GLDN: variants seen among roughly 807,000 people sequenced by gnomAD.
GLDN encodes the protein gliomedin.
GLDN carries 47 observed loss-of-function variants against 56.5 expected under a neutral mutation model. That is an observed-to-expected ratio of 0.83 (90% CI 0.66 to 1.06). The LOEUF (loss-of-function observed/expected upper bound fraction) is 1.06. GLDN is among the 50% of genes least tolerant of loss of function. GLDN has a pLI of 0.00. For synonymous variants in GLDN, 332 were observed against 278.8 expected (o/e 1.19, Z -1.90); for missense variants, 782 against 714.3 (o/e 1.09, Z -1.08).
In GLDN at chr15:51,359,052, C is replaced by T. The variant is rs145286017; in HGVS notation, c.363+17005C>T. ...CAGGTCTCCCCATGGCTCCCCCTCC[C>T]ACTAGTAAGGACTCTCCTTTGGCCC... On this transcript the variant is annotated intron_variant, in intron 1 of 9. Coordinates refer to ENST00000335449, the MANE Select transcript of GLDN (RefSeq NM_181789.4). 8.4e-3 allele frequency among the ~76,000 whole-genome samples: 1,276 copies of T among 152,270 alleles called. 20 individuals carry two copies. Among genetic ancestry groups the T allele is most frequent in the African/African-American group, 0.029 (1,203 of 41,536 alleles).
intron 2 of GLDN, among the ~76,000 whole-genome samples, chr15:51,381,071 T>C (rs1259789271): frequency 6.6e-6 from 1 of 152,232 alleles, no homozygotes; most frequent in Non-Finnish European, 1.5e-5. Flanking sequence ...TGTGGATTCA[T>C]ATGAGAGGAA....
At chr15:51,363,635 G>A (rs756592340) in intron 1 of GLDN, among the ~76,000 whole-genome samples, 3 of 152,146 alleles carry the variant, frequency 2.0e-5, no homozygotes, top group African/African-American at 7.2e-5. Flanking sequence ...AAACACTTAC[G>A]ACACAAGCAA....
At chr15:51,353,989 A>G (rs1454573101) in intron 1 of GLDN, among the ~76,000 whole-genome samples, 2 of 152,274 alleles carry the variant, frequency 1.3e-5, no homozygotes. Context: ...TAGATCTTTA[A>G]CAGCTCTATA....
chr15:51,357,646 A>C (rs1332223682), intron 1 of GLDN, among the ~76,000 whole-genome samples: 2 of 152,150 alleles, frequency 1.3e-5, no homozygotes, highest in African/African-American at 4.8e-5. Context: ...CCAAGGGCTG[A>C]CTAGAGGCGG....
At chr15:51,352,081 A>G (rs1232357693) in intron 1 of GLDN, among the ~76,000 whole-genome samples, 3 of 152,152 alleles carry the variant, frequency 2.0e-5, no homozygotes, top group Non-Finnish European at 4.4e-5. Flanking sequence ...GGTAGCTTAT[A>G]AATGACTGAA....
intron 2 of GLDN, 138 bp from the exon 3 acceptor site, chr15:51,383,298 A>G: frequency 1.1e-6 from 1 of 923,702 alleles, no homozygotes; most frequent in Non-Finnish European, 1.7e-6. Context: ...TTTTGGCCAA[A>G]TATAACGAGT....
Position 51,404,642 on chromosome 15 carries a change from C to T in GLDN, c.1544C>T (p.Ser515Phe). ...AACTTTGATTTAAGAACTTCCCAGTCTGTTCTTGCCATGTTAGCATACAAC... is the reference window on the plus strand; with the variant it reads ...AACTTTGATTTAAGAACTTCCCAGTTTGTTCTTGCCATGTTAGCATACAAC... ...NANFDLRTSQ[S>F]VLAMLAYNMR... Residue 515 changes from serine to phenylalanine, a missense_variant, in exon 10 of 10, where the codon TCT (serine) becomes TTT (phenylalanine). Physicochemically the swap from Ser to Phe is radical, Grantham distance 155. Transcript: ENST00000335449. The T allele has an allele frequency of 6.2e-7, 1 of 1,612,420 alleles. No individual in the cohort carries two copies. The highest frequency in any genetic ancestry group is 8.5e-7 in the Non-Finnish European group (1 of 1,178,466).
At chr15:51,370,323 C>A (rs990015373) in intron 1 of GLDN, among the ~76,000 whole-genome samples, 2 of 152,294 alleles carry the variant, frequency 1.3e-5, no homozygotes, top group Non-Finnish European at 2.9e-5. Flanking sequence ...TCATGTCCAA[C>A]CCTCTCATTT....
intron 2 of GLDN, among the ~76,000 whole-genome samples, chr15:51,382,735 A>AG (rs1165023668): frequency 1.3e-4 from 20 of 150,626 alleles, no homozygotes; most frequent in African/African-American, 3.7e-4. Context: ...CCAAAAAAAA[A>AG]AAAAAGAAAA....
At chr15:51,362,409 AG>A (rs1387392256) in intron 1 of GLDN, among the ~76,000 whole-genome samples, 1 of 150,958 alleles carries the variant, frequency 6.6e-6, no homozygotes. Context: ...CGCTTGAACC[AG>A]GGAGGCAGAC....
chr15:51,398,952 C>T (rs1259286190), intron 6 of GLDN, among the ~76,000 whole-genome samples: 3 of 152,184 alleles, frequency 2.0e-5, no homozygotes, highest in East Asian at 1.9e-4. Flanking sequence ...GGGGCTGGAT[C>T]GGCAGGGGCT....
chr15:51,356,299 A>C (rs2037186443), intron 1 of GLDN, among the ~76,000 whole-genome samples: 1 of 151,898 alleles, frequency 6.6e-6, no homozygotes, highest in Admixed American at 6.6e-5. Context: ...AGATGGAGTC[A>C]CTCTGGTTAG....
chr15:51,361,396 A>G (rs2037297545), intron 1 of GLDN, among the ~76,000 whole-genome samples: 1 of 152,194 alleles, frequency 6.6e-6, no homozygotes, highest in Non-Finnish European at 1.5e-5. Flanking sequence ...TGAATAGTGC[A>G]TATATAAATT....
chr15:51,342,565 ATTG>A (rs2036906242), intron 1 of GLDN, among the ~76,000 whole-genome samples: 1 of 152,138 alleles, frequency 6.6e-6, no homozygotes. Context: ...GGCCGGCCTA[ATTG>A]TTTCCGTTTA....
Position 51,341,924 on chromosome 15 carries a change from C to G in GLDN, c.240C>G (p.Ser80=). ...TGAGCCGCGCGCCGCGCGGGGCGTC[C>G]GCACCACCCCAAGACCCGGCCAGCT... ...AELSRAPRGA[S]APPQDPASSA... is the part of the protein sequence containing the mutation. The change falls in exon 1 of 10, where the codon TCC becomes TCG. Residue 80 remains serine, a synonymous_variant. Coordinates refer to ENST00000335449, the MANE Select transcript of GLDN (RefSeq NM_181789.4). The G allele has an allele frequency of 6.3e-7, 1 of 1,595,762 alleles. No individual in the cohort carries two copies.
At chr15:51,402,693 C>A (rs2038280675) in intron 9 of GLDN, among the ~76,000 whole-genome samples, 1 of 152,220 alleles carries the variant, frequency 6.6e-6, no homozygotes, top group Non-Finnish European at 1.5e-5. Context: ...TTAGTGAGGT[C>A]CAGCTTTAAC....
At chr15:51,374,094 A>G (rs1041838852) in intron 1 of GLDN, among the ~76,000 whole-genome samples, 11 of 152,250 alleles carry the variant, frequency 7.2e-5, no homozygotes, top group Non-Finnish European at 1.5e-4. Flanking sequence ...ACTGGTAAAT[A>G]TCTCAATTGA....
At chr15:51,377,231 G>A (rs2037651479) in intron 1 of GLDN, 2 of 561,578 alleles carry the variant, frequency 3.6e-6, no homozygotes, top group Non-Finnish European at 6.3e-6. Flanking sequence ...AATGAGGTTT[G>A]CAGCTCCATT....
rs374964907 is a variant in GLDN at position 51,341,991 on chromosome 15, C to A, written c.307C>A (p.His103Asn). 3 of 1,597,756 alleles carry A rather than the reference C, an allele frequency of 1.9e-6. No individual in the cohort carries two copies. In the African/African-American group the frequency reaches 4.0e-5, roughly 21 times the overall value. Residue 103 changes from histidine (H) to asparagine (N), a missense_variant, in exon 1 of 10, where the codon CAT (histidine) becomes AAT (asparagine). Transcript: ENST00000335449. The part of the protein sequence containing the change: ...KRSHSGEPAP[H>N]IRAESHDMLM... ...CAGCCACAGCGGCGAGCCCGCGCCG[C>A]ATATCCGCGCCGAGAGCCATGACAT...
Sources: gnomAD v4.1 joint callset for allele counts (sites outside exome capture counted in the v4.1 genomes callset) on GRCh38, gnomAD v4.1.1 for gene constraint, MANE v1.5 for transcripts, NCBI Gene and HGNC (gene_info 2026-07-23, HGNC 2026-07-21) for gene names.